Variants in RGS17 observed in about 807,000 individuals in gnomAD.
RGS17 encodes regulator of G protein signaling 17.
Under a neutral mutation model 25.5 loss-of-function variants are expected in RGS17, and 12 were observed. The observed-to-expected ratio is 0.47, with a 90% CI of 0.30 to 0.76. The LOEUF (loss-of-function observed/expected upper bound fraction) is 0.76. Ranked by LOEUF, RGS17 falls within the 30% of genes least tolerant of loss-of-function variation. RGS17 has a pLI of 0.07. For missense variants in RGS17, 196 were observed against 242.2 expected (o/e 0.81, Z 1.27); for synonymous variants, 71 against 76.9 (o/e 0.92, Z 0.40).
chr6:153,067,197 A>T (rs192319554), intron 1 of RGS17, among the ~76,000 whole-genome samples: 2 of 152,338 alleles, frequency 1.3e-5, no homozygotes, highest in East Asian at 3.9e-4. Flanking sequence ...ACAGAAACAC[A>T]GCTAGTATAC....
intron 4 of RGS17, among the ~76,000 whole-genome samples, chr6:153,020,100 T>TTAAAAAA (rs1333650446): frequency 4.4e-5 from 2 of 45,018 alleles, no homozygotes; most frequent in African/African-American, 8.6e-5. Context: ...GCAAATATCT[T>TTAAAAAA]AAAAAAAAAA....
intron 1 of RGS17, among the ~76,000 whole-genome samples, chr6:153,054,091 T>TA (rs1358242200): frequency 0.027 from 739 of 27,882 alleles, 91 homozygotes; most frequent in East Asian, 0.055. Context: ...CACAATATTT[T>TA]TTATATATAT....
intron 1 of RGS17, among the ~76,000 whole-genome samples, chr6:153,061,774 A>G (rs2129114995): frequency 6.6e-6 from 1 of 152,282 alleles, no homozygotes; most frequent in African/African-American, 2.4e-5. Flanking sequence ...ACATACCTAT[A>G]TGTTATTTTT....
chr6:153,036,225 A>C (rs901420621), intron 2 of RGS17, among the ~76,000 whole-genome samples: 1 of 151,886 alleles, frequency 6.6e-6, no homozygotes, highest in Non-Finnish European at 1.5e-5. Flanking sequence ...GCTAATTTTA[A>C]AATTTTTTGT....
At chr6:153,088,964 T>C (rs975679307) in intron 1 of RGS17, among the ~76,000 whole-genome samples, 3 of 152,164 alleles carry the variant, frequency 2.0e-5, no homozygotes, top group Non-Finnish European at 4.4e-5. Context: ...CTATTTGAAA[T>C]TGCTCACCTA....
chr6:153,067,130 C>A (rs1357317977), intron 1 of RGS17, among the ~76,000 whole-genome samples: 1 of 151,982 alleles, frequency 6.6e-6, no homozygotes, highest in South Asian at 2.1e-4. Flanking sequence ...TGATTAAAAA[C>A]CCTCAAAAAA....
chr6:153,044,425 T>A (rs1196809836), intron 1 of RGS17, among the ~76,000 whole-genome samples: 1 of 152,220 alleles, frequency 6.6e-6, no homozygotes, highest in Non-Finnish European at 1.5e-5. Context: ...TAACTCGTTT[T>A]TCCACTAATG....
In RGS17 at chr6:153,009,685, C is replaced by G. The variant is rs577277227; in HGVS notation, c.*1889G>C. ...TATTTTCTATCTTGCATTTTAACTG[C>G]ATTTTCATAAATAACGTATTTAAAA... On this transcript the variant is annotated 3_prime_UTR_variant, in exon 5 of 5. Transcript: ENST00000206262. 6.6e-6 allele frequency: 1 copy of G among 152,032 alleles called. No individual in the cohort carries two copies. The highest frequency in any genetic ancestry group is 2.1e-4 in the South Asian group (1 of 4,822). The allele number at this position is 152,032 out of a possible 1,614,324, so 9.4% of individuals were successfully genotyped here.
chr6:153,070,972 T>C (rs575624090), intron 1 of RGS17, among the ~76,000 whole-genome samples: 30 of 148,978 alleles, frequency 2.0e-4, no homozygotes, highest in African/African-American at 7.4e-4. Context: ...TACACGTGTA[T>C]ATGTACACAC....
chr6:153,086,306 A>G (rs1295726433), intron 1 of RGS17, among the ~76,000 whole-genome samples: 1 of 152,190 alleles, frequency 6.6e-6, no homozygotes, highest in African/African-American at 2.4e-5. Flanking sequence ...AGGCTATCTG[A>G]AAGTTCATTC....
chr6:153,113,912 T>C (rs1238844627), intron 1 of RGS17, among the ~76,000 whole-genome samples: 1 of 152,142 alleles, frequency 6.6e-6, no homozygotes, highest in Non-Finnish European at 1.5e-5. Flanking sequence ...CCAGAATCTC[T>C]GAGACACAGG....
chr6:153,036,476 C>T (rs1192326789), intron 2 of RGS17, among the ~76,000 whole-genome samples: 2 of 152,164 alleles, frequency 1.3e-5, no homozygotes, highest in Non-Finnish European at 2.9e-5. Flanking sequence ...TAGCTCCCTG[C>T]TTTTCACCCT....
intron 1 of RGS17, among the ~76,000 whole-genome samples, chr6:153,066,185 C>T (rs550721763): frequency 6.4e-4 from 97 of 152,130 alleles, no homozygotes; most frequent in African/African-American, 2.2e-3. Flanking sequence ...CTAGAAGAAA[C>T]GGACAAATTC....
chr6:153,094,600 G>C (rs1234129796), intron 1 of RGS17, among the ~76,000 whole-genome samples: 1 of 152,184 alleles, frequency 6.6e-6, no homozygotes, highest in Non-Finnish European at 1.5e-5. Context: ...TACTAGGAAA[G>C]AGATCAGCTT....
rs1288901830 is a variant in RGS17, at chr6:153,006,882, T to C, written c.*4692A>G. On this transcript the variant is annotated 3_prime_UTR_variant, in exon 5 of 5. Coordinates refer to ENST00000206262, the MANE Select transcript of RGS17 (RefSeq NM_012419.5). Reference sequence around the variant, plus strand: ...ATATAACTTGAAATCAAATTTGTAATTTTAAGTTCCTGATGTTTTTACACT... The same window carrying C: ...ATATAACTTGAAATCAAATTTGTAACTTTAAGTTCCTGATGTTTTTACACT... The C allele has an allele frequency of 6.6e-6, 1 of 152,208 alleles. No homozygotes were observed. Among genetic ancestry groups the C allele is most frequent in the Non-Finnish European group, 1.5e-5 (1 of 68,032 alleles). The allele number at this position is 152,208 out of a possible 1,614,324, so 9.4% of individuals were successfully genotyped here. A position where few individuals can be genotyped will look rare whatever the true frequency, so the allele number is the denominator to read the frequency against.
rs1441789782 is a variant in RGS17, at chr6:153,008,644, G to C, written c.*2930C>G. 1 of 152,152 alleles carries C rather than the reference G, an allele frequency of 6.6e-6. No individual in the cohort carries two copies. Among genetic ancestry groups the C allele is most frequent in the Non-Finnish European group, 1.5e-5 (1 of 68,022 alleles). 9.4% of individuals were successfully genotyped at this position (152,152 alleles called of 1,614,324 possible). A position where few individuals can be genotyped will look rare whatever the true frequency, so the allele number is the denominator to read the frequency against. The stretch of plus-strand genomic sequence containing the variant: ...ATAGAAAGTGCATTAATCTCTTTCT[G>C]TGTGCATCAGCAAATTCTAATAGTA... On this transcript the variant is annotated 3_prime_UTR_variant, in exon 5 of 5. Transcript: ENST00000206262.
chr6:153,025,919 CCTT>C (rs1384827556), intron 3 of RGS17, among the ~76,000 whole-genome samples: 2 of 149,532 alleles, frequency 1.3e-5, no homozygotes, highest in Non-Finnish European at 3.0e-5. Context: ...ATCATTAAAA[CCTT>C]CTCATAAAAA....
At chr6:153,041,898 T>A (rs1776325878) in intron 2 of RGS17, among the ~76,000 whole-genome samples, 1 of 152,244 alleles carries the variant, frequency 6.6e-6, no homozygotes, top group South Asian at 2.1e-4. Flanking sequence ...GAGAGCTAAC[T>A]CTTATTAAAT....
intron 1 of RGS17, among the ~76,000 whole-genome samples, chr6:153,113,259 A>G (rs577519547): frequency 1.2e-4 from 19 of 152,254 alleles, no homozygotes; most frequent in Admixed American, 7.2e-4. Context: ...AAGAAAAAGA[A>G]AAAAAAGCAG....
Sources: gnomAD v4.1 joint callset for allele counts (sites outside exome capture counted in the v4.1 genomes callset) on GRCh38, gnomAD v4.1.1 for gene constraint, MANE v1.5 for transcripts, NCBI Gene and HGNC (gene_info 2026-07-23, HGNC 2026-07-21) for gene names.